ZFP64: variants seen among roughly 807,000 people sequenced by gnomAD.
The protein encoded by ZFP64 is zinc finger protein 64.
ZFP64 carries 14 observed loss-of-function variants against 51.6 expected under a neutral mutation model. That is an observed-to-expected ratio of 0.27 (90% confidence interval 0.18 to 0.42). The LOEUF (loss-of-function observed/expected upper bound fraction) is 0.42, where lower values mean the gene tolerates loss of function less well. Among genes scored for constraint, ZFP64 ranks in the 10% least tolerant of loss-of-function variants. The pLI is 1.00. For synonymous variants in ZFP64, 375 were observed against 361.4 expected (o/e 1.04, Z -0.43); for missense variants, 754 against 906.8 (o/e 0.83, Z 2.16).
chr20:52,179,176 G>T (rs1174257576), intron 2 of ZFP64, among the ~76,000 whole-genome samples: 1 of 152,160 alleles, frequency 6.6e-6, no homozygotes, highest in Non-Finnish European at 1.5e-5. Flanking sequence ...GGGTGTCCCT[G>T]CACAAGCTCT....
At chr20:52,123,799 A>G (rs1979311508) in intron 5 of ZFP64, among the ~76,000 whole-genome samples, 1 of 151,670 alleles carries the variant, frequency 6.6e-6, no homozygotes, top group African/African-American at 2.4e-5. Context: ...GTGACTTCTG[A>G]ATCTCCAGCC....
chr20:52,118,467 C>T (rs921043459), intron 5 of ZFP64, among the ~76,000 whole-genome samples: 7 of 152,184 alleles, frequency 4.6e-5, no homozygotes, highest in Non-Finnish European at 5.9e-5. Flanking sequence ...CTTGCCTACT[C>T]CTGAGAAGAA....
chr20:52,186,684 C>T, intron 2 of ZFP64, 148 bp downstream of exon 2: 2 of 1,132,174 alleles, frequency 1.8e-6, no homozygotes, highest in Non-Finnish European at 2.4e-6. Context: ...GGCTGGGCAG[C>T]TGGCTTCCTG....
rs199654870 is a variant in ZFP64, at chr20:52,152,894, G to C, written c.1298C>G (p.Ser433Cys). The change falls in exon 6 of 6, where the codon TCC (serine) becomes TGC (cysteine). Residue 433 changes from serine (S) to cysteine (C), a missense_variant. Ser to Cys is a moderately radical substitution (Grantham distance 112, BLOSUM62 -1). Transcript: ENST00000216923. ...GCGGAGCGAGTCCTCCCGCATGAAG[G>C]AGGCATCGCATATATCGCAGTGGAA... The part of the protein sequence containing the change: ...KSFHCDICDA[S>C]FMREDSLRSH... 8.6e-5 allele frequency: 139 copies of C among 1,614,074 alleles called. No individual in the cohort carries two copies. The East Asian group carries it at 3.1e-3, about 36-fold the overall frequency.
At chr20:52,090,771 C>A (rs1175836889) in intron 7 of ZFP64, among the ~76,000 whole-genome samples, 2 of 150,400 alleles carry the variant, frequency 1.3e-5, no homozygotes. Flanking sequence ...TGCACTCCAA[C>A]CTGGGTGACA....
intron 5 of ZFP64, among the ~76,000 whole-genome samples, chr20:52,156,577 C>G (rs1247127964): frequency 6.6e-6 from 1 of 152,176 alleles, no homozygotes; most frequent in African/African-American, 2.4e-5. Flanking sequence ...CCCAGCTGAT[C>G]CCCGCATGGG....
chr20:52,120,456 G>A (rs1050539665), intron 5 of ZFP64, among the ~76,000 whole-genome samples: 12 of 152,192 alleles, frequency 7.9e-5, no homozygotes, highest in Admixed American at 3.3e-4. Context: ...CACCATGTGC[G>A]TATACGCCAC....
intron 5 of ZFP64, among the ~76,000 whole-genome samples, chr20:52,139,986 TTTA>T (rs1980178415): frequency 6.6e-6 from 1 of 152,026 alleles, no homozygotes; most frequent in Non-Finnish European, 1.5e-5. Context: ...TTTCAAGCTT[TTTA>T]TTATTATTAT....
rs2078854813 is a variant in ZFP64, at chr20:52,085,495, G to A, written c.1229-229C>T. On this transcript the variant is annotated intron_variant, in intron 8 of 8. Transcript: ENST00000361387. This position sits in a 1 kb window ranked among gnomAD's most constrained non-coding sequence, Gnocchi z 4.3. ...AGATGGGACAACTGAGGCTCAGAGA[G>A]GTCAAGTTACTTGGCTCAGGTCAAA... Among the ~76,000 whole-genome samples the A allele has an allele frequency of 6.6e-6, 1 of 152,178 alleles. No homozygotes were observed. The highest frequency in any genetic ancestry group is 2.4e-5 in the African/African-American group (1 of 41,446).
intron 1 of ZFP64, among the ~76,000 whole-genome samples, chr20:52,187,943 T>C (rs1012549859): frequency 2.6e-5 from 4 of 152,198 alleles, no homozygotes; most frequent in African/African-American, 9.6e-5. Context: ...ACACATACTA[T>C]GAGAACCAAT....
At chr20:52,119,598 C>CACACACACACACACACACAT (rs1979076204) in intron 5 of ZFP64, among the ~76,000 whole-genome samples, 1 of 111,884 alleles carries the variant, frequency 8.9e-6, no homozygotes, top group Non-Finnish European at 2.1e-5. Flanking sequence ...CACACACACA[C>CACACACACACACACACACAT]ATATAAACAC....
intron 5 of ZFP64, among the ~76,000 whole-genome samples, chr20:52,104,256 G>GA (rs1368498008): frequency 1.3e-5 from 2 of 152,206 alleles, no homozygotes; most frequent in African/African-American, 4.8e-5. Context: ...GGGATGGGGG[G>GA]ATCCCTAACT....
intron 5 of ZFP64, among the ~76,000 whole-genome samples, chr20:52,155,535 A>C (rs1460756864): frequency 6.6e-6 from 1 of 152,192 alleles, no homozygotes; most frequent in Non-Finnish European, 1.5e-5. Context: ...TTTTTTAAGC[A>C]ATCTGCAGAG....
intron 5 of ZFP64, among the ~76,000 whole-genome samples, chr20:52,112,082 C>CAAAA (rs375422075): frequency 1.3e-5 from 1 of 78,370 alleles, no homozygotes; most frequent in African/African-American, 4.9e-5. Flanking sequence ...ACTCTATCTC[C>CAAAA]AAAAAAAAAA....
At chr20:52,115,563 T>C (rs1172096760) in intron 5 of ZFP64, among the ~76,000 whole-genome samples, 1 of 151,234 alleles carries the variant, frequency 6.6e-6, no homozygotes, top group Non-Finnish European at 1.5e-5. Flanking sequence ...TATAGGCACA[T>C]GCTATCACAC....
Position 52,111,023 on chromosome 20 carries a change from G to A in ZFP64, c.764-12436C>T, listed in dbSNP as rs879099950. 1.4e-5 allele frequency: 20 copies of A among 1,440,890 alleles called. No individual in the cohort carries two copies. In the East Asian group the frequency reaches 1.6e-4, roughly 12 times the overall value. The allele number at this position is 1,440,890 out of a possible 1,614,324, so 89.3% of individuals were successfully genotyped here. A position where few individuals can be genotyped will look rare whatever the true frequency, so the allele number is the denominator to read the frequency against. On this transcript the variant is annotated intron_variant, in intron 5 of 8. Coordinates refer to the ZFP64 transcript ENST00000361387. The stretch of plus-strand genomic sequence containing the variant: ...GTGACCGTATCCAGGGGAAGGGCGC[G>A]CTTGGTGTGCAGGCCGCTGCTGCCA...
intron 5 of ZFP64, among the ~76,000 whole-genome samples, chr20:52,100,681 G>A (rs2079041173): frequency 6.6e-6 from 1 of 152,238 alleles, no homozygotes; most frequent in Non-Finnish European, 1.5e-5. Flanking sequence ...ATCTTAGCAT[G>A]AGAGGCTGTA....
chr20:52,128,929 T>TC (rs1979576185), intron 5 of ZFP64, among the ~76,000 whole-genome samples: 1 of 152,084 alleles, frequency 6.6e-6, no homozygotes, highest in African/African-American at 2.4e-5. Flanking sequence ...TCTTTCTTTT[T>TC]CTGAGACGGA....
intron 5 of ZFP64, among the ~76,000 whole-genome samples, chr20:52,113,520 T>G (rs1440626857): frequency 6.9e-6 from 1 of 145,314 alleles, no homozygotes; most frequent in East Asian, 2.1e-4. Context: ...CTTTGTCTCC[T>G]GCGTTCAATC....
Sources: gnomAD v4.1 joint callset for allele counts (sites outside exome capture counted in the v4.1 genomes callset) on GRCh38, gnomAD v4.1.1 for gene constraint, Gnocchi (gnomAD v3.1) non-coding constraint, MANE v1.5 for transcripts, NCBI Gene and HGNC (gene_info 2026-07-23, HGNC 2026-07-21) for gene names.